The following CD38 variants were observed in gnomAD, a reference collection of about 807,000 sequenced individuals.
CD38 encodes the protein ADP-ribosyl cyclase/cyclic ADP-ribose hydrolase 1.
CD38 carries 31 observed loss-of-function variants against 36.3 expected under a neutral mutation model. The ratio of observed to expected loss-of-function variants is 0.85; its 90% confidence interval spans 0.64 to 1.15. The LOEUF is 1.15. Among genes scored for constraint, CD38 ranks in the 50% most tolerant of loss-of-function variants. CD38 has a pLI of 0.00. For missense variants in CD38, 380 were observed against 371.9 expected (o/e 1.02, Z -0.18); for synonymous variants, 131 against 135.2 (o/e 0.97, Z 0.22).
At chr4:15,787,138 C>T (rs978604597) in intron 1 of CD38, among the ~76,000 whole-genome samples, 9 of 152,226 alleles carry the variant, frequency 5.9e-5, no homozygotes, top group African/African-American at 9.6e-5. Context: ...TGGGCCAGCC[C>T]AGAGAGGGTC....
At position 15,845,851 on chromosome 4, in the gene CD38, T is replaced by C. The variant is rs1303010021; in HGVS notation, c.840-2688T>C. ...GAATAAAATACCTAGGAATCCAACT[T>C]ACAAGGGATGTGAAGGACCTCTTCA... On this transcript the variant is annotated intron_variant, in intron 7 of 7. Coordinates refer to ENST00000226279, the MANE Select transcript of CD38 (RefSeq NM_001775.4). Among the ~76,000 whole-genome samples, 27 of 81,158 alleles carry C rather than the reference T, an allele frequency of 3.3e-4. 6 individuals carry two copies. The highest frequency in any genetic ancestry group is 4.2e-4 in the African/African-American group (5 of 11,806). The allele number at this position is 81,158 out of a possible 152,430, so 53.2% of individuals were successfully genotyped here.
chr4:15,826,930 C>T (rs1472938363), intron 3 of CD38, among the ~76,000 whole-genome samples: 2 of 152,070 alleles, frequency 1.3e-5, no homozygotes, highest in East Asian at 3.9e-4. Context: ...TTTTCTGTTT[C>T]TTCTGTAAGC....
Position 15,778,665 on chromosome 4 carries a change from G to A in CD38, c.233+18G>A. 6.4e-7 allele frequency: 1 copy of A among 1,555,724 alleles called. No homozygotes were observed. Among genetic ancestry groups the A allele is most frequent in the Non-Finnish European group, 8.9e-7 (1 of 1,127,958 alleles). ...GAGATGAGGTGGGTTGGCGACTAAG[G>A]CGCACCGGTGGGCACTGCGGGGACA... On this transcript the variant is annotated intron_variant, in intron 1 of 7. Coordinates refer to ENST00000226279, the MANE Select transcript of CD38 (RefSeq NM_001775.4). The surrounding 1 kb of genome is among the most constrained non-coding windows in gnomAD (Gnocchi z 4.9).
chr4:15,786,631 C>T (rs1161428664), intron 1 of CD38, among the ~76,000 whole-genome samples: 1 of 152,262 alleles, frequency 6.6e-6, no homozygotes, highest in Non-Finnish European at 1.5e-5. Flanking sequence ...CATAAATGTT[C>T]TCCAAGTCCC....
intron 7 of CD38, among the ~76,000 whole-genome samples, chr4:15,841,735 T>C (rs1323825693): frequency 2.0e-5 from 3 of 148,048 alleles, no homozygotes; most frequent in South Asian, 2.2e-4. Context: ...GGGCGAGGCA[T>C]TGCCTCACCT....
intron 1 of CD38, among the ~76,000 whole-genome samples, chr4:15,790,951 T>A: frequency 6.9e-6 from 1 of 143,908 alleles, no homozygotes; most frequent in South Asian, 2.3e-4. Context: ...AACCGCCCCG[T>A]CTGAGAAGTG....
At chr4:15,780,185 G>A (rs941965871) in intron 1 of CD38, among the ~76,000 whole-genome samples, 2 of 152,158 alleles carry the variant, frequency 1.3e-5, no homozygotes, top group African/African-American at 4.8e-5. Flanking sequence ...GGAGAATTAT[G>A]CATATTTTAA....
chr4:15,825,280 T>C, intron 3 of CD38: 1 of 381,968 alleles, frequency 2.6e-6, no homozygotes, highest in Non-Finnish European at 4.8e-6. Context: ...GGTGAAGGCC[T>C]GAGGCTGTTT....
In CD38 at chr4:15,778,425, G is replaced by C. The variant is rs758688312; in HGVS notation, c.11G>C (p.Cys4Ser). 4.3e-6 allele frequency: 7 copies of C among 1,613,684 alleles called. No homozygotes were observed. The South Asian group carries it at 4.4e-5, about 10-fold the overall frequency. MANCEFSPVSGDKP... is the reference protein window; with the variant it reads MANSEFSPVSGDKP... The stretch of plus-strand genomic sequence containing the variant: ...CCCGCCTGGAGCCCTATGGCCAACT[G>C]CGAGTTCAGCCCGGTGTCCGGGGAC... The change falls in exon 1 of 8, where the codon TGC becomes TCC. Residue 4 changes from cysteine to serine, a missense_variant. Transcript: ENST00000226279. The surrounding 1 kb of genome is among the most constrained non-coding windows in gnomAD (Gnocchi z 4.9).
intron 3 of CD38, among the ~76,000 whole-genome samples, chr4:15,827,563 A>G (rs1055134566): frequency 2.0e-5 from 3 of 151,792 alleles, no homozygotes; most frequent in East Asian, 3.9e-4. Flanking sequence ...CCCATGTTCC[A>G]TGTTTTCCTT....
At chr4:15,786,985 G>A (rs6852105) in intron 1 of CD38, among the ~76,000 whole-genome samples, 65,217 of 152,224 alleles carry the variant, frequency 0.43, 16,096 homozygotes, top group African/African-American at 0.69. Context: ...TGGGTGCTAA[G>A]CCCTTCACTG....
At chr4:15,836,805 A>AAAAAC (rs1338198219) in intron 4 of CD38, among the ~76,000 whole-genome samples, 1 of 152,236 alleles carries the variant, frequency 6.6e-6, no homozygotes, top group Non-Finnish European at 1.5e-5. Flanking sequence ...ATGGAAACAG[A>AAAAAC]AAAACAGCCT....
At chr4:15,832,891 G>T (rs966220435) in intron 3 of CD38, among the ~76,000 whole-genome samples, 1 of 152,186 alleles carries the variant, frequency 6.6e-6, no homozygotes, top group Non-Finnish European at 1.5e-5. Context: ...AACCTTAGAA[G>T]TCTACCTAGT....
intron 3 of CD38, among the ~76,000 whole-genome samples, chr4:15,831,896 C>T (rs1451612289): frequency 3.9e-4 from 59 of 152,156 alleles, no homozygotes; most frequent in Admixed American, 3.9e-3. Context: ...TCTTTTTCTA[C>T]CTCCTCTTTG....
At chr4:15,810,786 A>T (rs1723451217) in intron 1 of CD38, among the ~76,000 whole-genome samples, 1 of 152,182 alleles carries the variant, frequency 6.6e-6, no homozygotes, top group African/African-American at 2.4e-5. Context: ...TGATTCTCAA[A>T]CCTAAACTTG....
chr4:15,824,164 G>T (rs1296119784), intron 2 of CD38, among the ~76,000 whole-genome samples: 1 of 152,116 alleles, frequency 6.6e-6, no homozygotes, highest in Non-Finnish European at 1.5e-5. Flanking sequence ...GGTGAGGGGA[G>T]TGAGAACATT....
In CD38 at chr4:15,778,496, G is replaced by A. The variant is rs750494618; in HGVS notation, c.82G>A (p.Val28Ile). Residue 28 changes from valine (V) to isoleucine (I), a missense_variant, in exon 1 of 8, where the codon GTC becomes ATC. Val to Ile is a conservative substitution (Grantham distance 29). Transcript: ENST00000226279. This position sits in a 1 kb window ranked among gnomAD's most constrained non-coding sequence, Gnocchi z 4.9. ...TAGGAGAGCCCAACTCTGTCTTGGC[G>A]TCAGTATCCTGGTCCTGATCCTCGT... ...LSRRAQLCLG[V>I]SILVLILVVV... 3 of 1,613,876 alleles carry A rather than the reference G, an allele frequency of 1.9e-6. No homozygotes were observed. The highest frequency in any genetic ancestry group is 1.7e-5 in the Admixed American group (1 of 60,022).
chr4:15,785,258 G>A (rs1295617535), intron 1 of CD38, among the ~76,000 whole-genome samples: 3 of 152,064 alleles, frequency 2.0e-5, no homozygotes, highest in African/African-American at 4.8e-5. Flanking sequence ...GTGCTACCAG[G>A]GTATCAGGGA....
chr4:15,799,186 T>C (rs914157338), intron 1 of CD38, among the ~76,000 whole-genome samples: 1 of 152,236 alleles, frequency 6.6e-6, no homozygotes, highest in Admixed American at 6.5e-5. Context: ...TTTATCTTTG[T>C]GTGTGGTGAA....
Sources: allele counts gnomAD v4.1 joint callset (sites outside exome capture counted in the v4.1 genomes callset), GRCh38; gene constraint gnomAD v4.1.1; non-coding constraint Gnocchi (gnomAD v3.1); transcripts MANE v1.5; gene names NCBI Gene and HGNC (gene_info 2026-07-23, HGNC 2026-07-21).